The following GRAMD1C variants were observed in gnomAD, a reference collection of about 807,000 sequenced individuals.
GRAMD1C encodes GRAM domain containing 1C.
A neutral mutation model predicts 97.8 loss-of-function variants in GRAMD1C; 89 were observed. The observed-to-expected ratio is 0.91, with a 90% CI of 0.77 to 1.09. The LOEUF is 1.09. Ranked by LOEUF, GRAMD1C falls within the 50% of genes least tolerant of loss-of-function variation. The pLI, the probability that GRAMD1C is intolerant of heterozygous loss-of-function variation, is 0.00. For synonymous variants in GRAMD1C, 256 were observed against 267.0 expected (o/e 0.96, Z 0.40); for missense variants, 740 against 766.4 (o/e 0.97, Z 0.41).
intron 6 of GRAMD1C, among the ~76,000 whole-genome samples, chr3:113,892,815 C>T (rs1358013038): frequency 1.3e-5 from 2 of 152,064 alleles, no homozygotes; most frequent in African/African-American, 4.8e-5. Flanking sequence ...AAGTTTTAGG[C>T]CCTTCCCACT....
chr3:113,941,078 T>C (rs1343725500), intron 17 of GRAMD1C, among the ~76,000 whole-genome samples: 1 of 152,210 alleles, frequency 6.6e-6, no homozygotes. Flanking sequence ...TATCCTGTGT[T>C]TTCCTTTCTT....
At chr3:113,905,991 C>G (rs771741267) in intron 8 of GRAMD1C, among the ~76,000 whole-genome samples, 1 of 152,180 alleles carries the variant, frequency 6.6e-6, no homozygotes, top group South Asian at 2.1e-4. Flanking sequence ...GCCACTGCAA[C>G]CAGCCAGTCC....
intron 2 of GRAMD1C, chr3:113,844,864 T>C (rs908969983): frequency 1.7e-5 from 7 of 404,630 alleles, no homozygotes; most frequent in Admixed American, 4.6e-5. Flanking sequence ...ATTAATCTGC[T>C]TCAGTTTCCT....
chr3:113,839,211 C>T (rs76435208), intron 1 of GRAMD1C, among the ~76,000 whole-genome samples: 3,675 of 152,152 alleles, frequency 0.024, 111 homozygotes, highest in African/African-American at 0.069. Flanking sequence ...ATGTCTCAGC[C>T]CCAGGCCCCC....
intron 2 of GRAMD1C, among the ~76,000 whole-genome samples, chr3:113,852,970 T>C (rs1933972212): frequency 2.0e-5 from 3 of 152,184 alleles, no homozygotes; most frequent in Admixed American, 2.0e-4. Flanking sequence ...GGCTTGGATT[T>C]AGTACTCTAT....
chr3:113,938,039 TA>T, intron 14 of GRAMD1C, 46 bp from the exon 15 acceptor site: 1 of 977,406 alleles, frequency 1.0e-6, no homozygotes, highest in Non-Finnish European at 1.5e-6. Flanking sequence ...GGATCAGTTG[TA>T]ATCACAATTC....
chr3:113,929,708 G>A (rs1281415088), intron 10 of GRAMD1C, among the ~76,000 whole-genome samples: 1 of 152,078 alleles, frequency 6.6e-6, no homozygotes, highest in Non-Finnish European at 1.5e-5. Flanking sequence ...TTGTGATTTT[G>A]CCTTTTTAAT....
chr3:113,900,063 A>G (rs886273549), intron 6 of GRAMD1C, among the ~76,000 whole-genome samples: 4 of 152,114 alleles, frequency 2.6e-5, no homozygotes, highest in African/African-American at 9.7e-5. Flanking sequence ...TGCAGAACTA[A>G]ACTGAAGATC....
Position 113,908,977 on chromosome 3 carries a change from C to G in GRAMD1C, c.809C>G (p.Ser270Cys). 1 of 1,573,354 alleles carries G rather than the reference C, an allele frequency of 6.4e-7. No individual in the cohort carries two copies. Among genetic ancestry groups the G allele is most frequent in the East Asian group, 2.3e-5 (1 of 42,606 alleles). Residue 270 changes from serine to cysteine, a missense_variant, in exon 9 of 18, where the codon TCC becomes TGC. Coordinates refer to ENST00000358160, the MANE Select transcript of GRAMD1C (RefSeq NM_017577.5). Reference sequence around the variant, plus strand: ...TTTTAGGGATTAGGCAAAGAGGAGTCCCAAAATGAGAAACAGACCAAAAAG... The same window carrying G: ...TTTTAGGGATTAGGCAAAGAGGAGTGCCAAAATGAGAAACAGACCAAAAAG... ...SSKGGLGKEESQNEKQTKKSL... is the reference protein window; with the variant it reads ...SSKGGLGKEECQNEKQTKKSL...
intron 2 of GRAMD1C, among the ~76,000 whole-genome samples, chr3:113,856,135 A>G (rs577761773): frequency 6.6e-6 from 1 of 151,990 alleles, no homozygotes; most frequent in African/African-American, 2.4e-5. Flanking sequence ...TGATCTGCCC[A>G]CCTCGGCCTC....
chr3:113,944,061 A>G (rs1187259275), intron 17 of GRAMD1C, among the ~76,000 whole-genome samples: 1 of 152,196 alleles, frequency 6.6e-6, no homozygotes, highest in Non-Finnish European at 1.5e-5. Flanking sequence ...AACTTTAAAT[A>G]ACCACACGTT....
At chr3:113,883,921 G>A (rs941902738) in intron 6 of GRAMD1C, among the ~76,000 whole-genome samples, 27 of 152,132 alleles carry the variant, frequency 1.8e-4, no homozygotes, top group African/African-American at 6.3e-4. Flanking sequence ...TGAGGCAGGC[G>A]GATAGCTTGA....
chr3:113,911,671 C>G (rs925129695), intron 9 of GRAMD1C, among the ~76,000 whole-genome samples: 3 of 83,514 alleles, frequency 3.6e-5, no homozygotes, highest in Non-Finnish European at 8.6e-5. Context: ...CTTTTCCTTT[C>G]TCTCTCTCTT....
chr3:113,904,620 T>C (rs73856207), intron 8 of GRAMD1C, among the ~76,000 whole-genome samples: 2,250 of 151,696 alleles, frequency 0.015, 60 homozygotes, highest in African/African-American at 0.051. Context: ...GTTTTTTTTT[T>C]TTTCTTTCTT....
chr3:113,938,351 C>A, intron 15 of GRAMD1C: 1 of 399,652 alleles, frequency 2.5e-6, no homozygotes. Flanking sequence ...TGAGGAAATA[C>A]AAAGTACTCA....
intron 10 of GRAMD1C, among the ~76,000 whole-genome samples, chr3:113,927,326 C>T (rs6806553): frequency 0.31 from 47,291 of 151,872 alleles, 7,765 homozygotes; most frequent in South Asian, 0.4. Context: ...TGGCTCTGTG[C>T]CCATGTTTCT....
At chr3:113,845,212 CT>C (rs1187914720) in intron 2 of GRAMD1C, among the ~76,000 whole-genome samples, 1 of 152,074 alleles carries the variant, frequency 6.6e-6, no homozygotes. Flanking sequence ...ATCTTAGAGT[CT>C]TTTTGGAAGA....
intron 1 of GRAMD1C, among the ~76,000 whole-genome samples, chr3:113,828,633 T>A (rs1709517952): frequency 6.6e-6 from 1 of 152,220 alleles, no homozygotes. Flanking sequence ...TGCCTTTTCT[T>A]ATTGGAGTCA....
intron 6 of GRAMD1C, among the ~76,000 whole-genome samples, chr3:113,892,249 A>AC (rs1419466023): frequency 2.6e-5 from 4 of 152,076 alleles, no homozygotes; most frequent in African/African-American, 9.7e-5. Flanking sequence ...AGGTGGGCTG[A>AC]CCACCTGAGG....
Sources: gnomAD v4.1 joint callset for allele counts (sites outside exome capture counted in the v4.1 genomes callset) on GRCh38, gnomAD v4.1.1 for gene constraint, MANE v1.5 for transcripts, NCBI Gene and HGNC (gene_info 2026-07-23, HGNC 2026-07-21) for gene names.